Variants in OSBPL10 observed in about 807,000 individuals in gnomAD.
OSBPL10 encodes the protein oxysterol binding protein like 10.
Under a neutral mutation model 81.7 loss-of-function variants are expected in OSBPL10, and 49 were observed. The ratio of observed to expected loss-of-function variants is 0.60; its 90% CI spans 0.48 to 0.76. The LOEUF (loss-of-function observed/expected upper bound fraction) is 0.76, where lower values mean the gene tolerates loss of function less well. OSBPL10 is among the 30% of genes least tolerant of loss of function. OSBPL10 has a pLI of 0.00. For missense variants in OSBPL10, 923 were observed against 987.8 expected (o/e 0.93, Z 0.88); for synonymous variants, 419 against 383.6 (o/e 1.09, Z -1.08).
intron 5 of OSBPL10, among the ~76,000 whole-genome samples, chr3:31,736,176 GAA>G (rs1697168228): frequency 6.6e-6 from 1 of 152,152 alleles, no homozygotes; most frequent in African/African-American, 2.4e-5. Flanking sequence ...TTGCAAGATG[GAA>G]AGAGTTTTGG....
chr3:31,930,969 C>T (rs1245877238), intron 1 of OSBPL10, among the ~76,000 whole-genome samples: 3 of 144,048 alleles, frequency 2.1e-5, no homozygotes, highest in Non-Finnish European at 4.5e-5. Context: ...AGCCGAGATC[C>T]CCCCCACTGC....
intron 3 of OSBPL10, among the ~76,000 whole-genome samples, chr3:31,854,478 G>A (rs921686736): frequency 6.6e-6 from 1 of 151,814 alleles, no homozygotes; most frequent in African/African-American, 2.4e-5. Flanking sequence ...TTATTAACAT[G>A]GAAATGATTA....
chr3:32,013,224 C>G (rs750819942), intron 2 of OSBPL10, among the ~76,000 whole-genome samples: 104 of 152,132 alleles, frequency 6.8e-4, no homozygotes, highest in Non-Finnish European at 1.4e-3. Context: ...TGTAAAAGAA[C>G]AGAAATTATA....
At chr3:31,881,424 C>T (rs1005707834) in intron 1 of OSBPL10, among the ~76,000 whole-genome samples, 6 of 152,120 alleles carry the variant, frequency 3.9e-5, no homozygotes, top group Non-Finnish European at 8.8e-5. Context: ...CTCAACATAC[C>T]GTCTGTACTA....
chr3:32,055,057 T>C (rs1171858119), intron 1 of OSBPL10, among the ~76,000 whole-genome samples: 1 of 152,088 alleles, frequency 6.6e-6, no homozygotes, highest in Non-Finnish European at 1.5e-5. Flanking sequence ...TTCATGAATA[T>C]CAAGAACAGG....
At chr3:31,789,162 A>G (rs1698944357) in intron 4 of OSBPL10, among the ~76,000 whole-genome samples, 1 of 152,194 alleles carries the variant, frequency 6.6e-6, no homozygotes. Flanking sequence ...TATGTTTAGT[A>G]GAGAGGGGTT....
At chr3:32,035,979 A>C (rs956797086) in intron 2 of OSBPL10, among the ~76,000 whole-genome samples, 16 of 152,124 alleles carry the variant, frequency 1.1e-4, no homozygotes, top group Non-Finnish European at 1.8e-4. Context: ...GTCTTTGGTG[A>C]CCACTGTCAT....
intron 3 of OSBPL10, among the ~76,000 whole-genome samples, chr3:31,867,190 T>C (rs899822800): frequency 3.9e-5 from 6 of 152,052 alleles, no homozygotes; most frequent in Admixed American, 3.3e-4. Context: ...CAGGGTCAAG[T>C]GGAGGAGATG....
rs77988366 is a variant in OSBPL10 at position 31,865,675 on chromosome 3, C to T, written c.537+10758G>A. ...GAAGCCCAAACAGACTAAGACACAA[C>T]ATTTTAATCATTCTGTTACTTCTGA... On this transcript the variant is annotated intron_variant, in intron 3 of 11. Coordinates refer to ENST00000396556, the MANE Select transcript of OSBPL10 (RefSeq NM_017784.5). Among the ~76,000 whole-genome samples, 4 of 152,264 alleles carry T rather than the reference C, an allele frequency of 2.6e-5. No individual in the cohort carries two copies. In the East Asian group the frequency reaches 7.7e-4, roughly 29 times the overall value.
chr3:31,795,016 T>C, intron 4 of OSBPL10: 1 of 246,798 alleles, frequency 4.1e-6, no homozygotes, highest in Non-Finnish European at 8.7e-6. Flanking sequence ...CTTGCCCAGC[T>C]TGGGATTACA....
intron 1 of OSBPL10, among the ~76,000 whole-genome samples, chr3:31,963,847 T>A (rs545495350): frequency 3.7e-4 from 57 of 152,206 alleles, no homozygotes; most frequent in African/African-American, 1.4e-3. Context: ...TAGATTTTTT[T>A]TTTTTAATCT....
chr3:31,968,968 A>G (rs1443209105), intron 1 of OSBPL10, among the ~76,000 whole-genome samples: 2 of 152,236 alleles, frequency 1.3e-5, no homozygotes, highest in African/African-American at 2.4e-5. Flanking sequence ...AACGGCACGT[A>G]CTAGCACAAA....
intron 1 of OSBPL10, among the ~76,000 whole-genome samples, chr3:31,942,697 G>A (rs1235007528): frequency 6.6e-6 from 1 of 151,892 alleles, no homozygotes; most frequent in Non-Finnish European, 1.5e-5. Context: ...TGTCTGTAGG[G>A]GTAAAAGTGA....
intron 2 of OSBPL10, among the ~76,000 whole-genome samples, chr3:32,030,919 A>C (rs180966145): frequency 6.6e-6 from 1 of 152,116 alleles, no homozygotes; most frequent in African/African-American, 2.4e-5. Context: ...TAATCCCAGC[A>C]CTTTGGGAGG....
intron 2 of OSBPL10, among the ~76,000 whole-genome samples, chr3:32,011,404 C>A (rs1345405922): frequency 4.6e-5 from 7 of 152,158 alleles, no homozygotes; most frequent in Admixed American, 4.6e-4. Context: ...GGAAAACTAA[C>A]AAACAGAAAG....
chr3:31,901,681 T>A (rs919200173), intron 1 of OSBPL10, among the ~76,000 whole-genome samples: 1 of 152,212 alleles, frequency 6.6e-6, no homozygotes, highest in Non-Finnish European at 1.5e-5. Flanking sequence ...AGACTGCATG[T>A]CCTTCAGGGC....
At chr3:32,043,345 T>A (rs761959336) in intron 2 of OSBPL10, among the ~76,000 whole-genome samples, 1 of 152,218 alleles carries the variant, frequency 6.6e-6, no homozygotes, top group Non-Finnish European at 1.5e-5. Flanking sequence ...CCTTGTTCCC[T>A]GAAAATCGCT....
chr3:31,732,946 T>C (rs1244915832), intron 6 of OSBPL10: 3 of 388,826 alleles, frequency 7.7e-6, no homozygotes, highest in Non-Finnish European at 1.4e-5. Context: ...GCTCCCATCA[T>C]GTCAATAGGC....
intron 6 of OSBPL10, among the ~76,000 whole-genome samples, chr3:31,713,419 CAG>C (rs1227995819): frequency 6.6e-6 from 1 of 152,030 alleles, no homozygotes; most frequent in Admixed American, 6.6e-5. Context: ...TATTTTGTGA[CAG>C]AGTCTCACTC....
Sources: allele counts gnomAD v4.1 joint callset (sites outside exome capture counted in the v4.1 genomes callset), GRCh38; gene constraint gnomAD v4.1.1; transcripts MANE v1.5; gene names NCBI Gene and HGNC (gene_info 2026-07-23, HGNC 2026-07-21).